STARD3NL: variants seen among roughly 807,000 people sequenced by gnomAD.
The protein encoded by STARD3NL is STARD3 N-terminal-like protein.
In STARD3NL, 17 loss-of-function variants were observed where a neutral mutation model predicts 30.9. The observed-to-expected ratio is 0.55, with a 90% confidence interval of 0.38 to 0.82. The LOEUF (loss-of-function observed/expected upper bound fraction) is 0.82. Ranked by LOEUF, STARD3NL falls within the 40% of genes least tolerant of loss-of-function variation. The probability of loss-of-function intolerance (pLI) is 0.00; values close to 1 mark genes in which losing one functional copy is unlikely to be tolerated. For synonymous variants in STARD3NL, 112 were observed against 100.5 expected (o/e 1.11, Z -0.69); for missense variants, 234 against 277.6 (o/e 0.84, Z 1.12).
chr7:38,201,525 C>A (rs996931747), intron 1 of STARD3NL, among the ~76,000 whole-genome samples: 1 of 151,794 alleles, frequency 6.6e-6, no homozygotes, highest in Non-Finnish European at 1.5e-5. Flanking sequence ...ATTTTGAATT[C>A]GTTCAATTTT....
At chr7:38,206,954 G>A (rs1785520697) in intron 1 of STARD3NL, among the ~76,000 whole-genome samples, 1 of 151,816 alleles carries the variant, frequency 6.6e-6, no homozygotes, top group South Asian at 2.1e-4. Context: ...TTTCTTTTTT[G>A]TACAGACAGG....
chr7:38,194,608 T>C (rs1784827166), intron 1 of STARD3NL, among the ~76,000 whole-genome samples: 1 of 152,190 alleles, frequency 6.6e-6, no homozygotes, highest in African/African-American at 2.4e-5. Context: ...GTTTTTACTG[T>C]CATTTTTTTC....
chr7:38,197,099 C>A (rs1434604981), intron 1 of STARD3NL, among the ~76,000 whole-genome samples: 1 of 151,332 alleles, frequency 6.6e-6, no homozygotes, highest in Non-Finnish European at 1.5e-5. Flanking sequence ...CAGTCCTTTC[C>A]CTGTGAATTT....
At chr7:38,198,887 G>C (rs1052856251) in intron 1 of STARD3NL, among the ~76,000 whole-genome samples, 7 of 152,220 alleles carry the variant, frequency 4.6e-5, no homozygotes, top group African/African-American at 1.7e-4. Context: ...GTGCAGCCTA[G>C]ATCAGGTGAA....
intron 2 of STARD3NL, among the ~76,000 whole-genome samples, chr7:38,213,585 T>C (rs562819285): frequency 6.6e-6 from 1 of 150,924 alleles, no homozygotes; most frequent in Non-Finnish European, 1.5e-5. Context: ...CTCCCTCTGA[T>C]CAGGCTAATC....
At position 38,219,551 on chromosome 7, in the gene STARD3NL, T is replaced by C. The variant is rs1325585155; in HGVS notation, c.554-14T>C. ...GTGACCTCATTCCCAACATCTGAAT[T>C]TCTTCTCTTCCAGGACTCCTGATAG... On this transcript the variant is annotated splice_polypyrimidine_tract_variant and intron_variant, in intron 6 of 8. Transcript: ENST00000009041. 3 of 1,573,696 alleles carry C rather than the reference T, an allele frequency of 1.9e-6. No individual in the cohort carries two copies. The African/African-American group carries it at 4.0e-5, about 21-fold the overall frequency.
chr7:38,201,495 A>G (rs1311975720), intron 1 of STARD3NL, among the ~76,000 whole-genome samples: 1 of 152,168 alleles, frequency 6.6e-6, no homozygotes, highest in Admixed American at 6.5e-5. Flanking sequence ...TCTTCCTCCT[A>G]AAATCAGTCC....
intron 1 of STARD3NL, among the ~76,000 whole-genome samples, chr7:38,187,289 T>C (rs956633856): frequency 1.3e-5 from 2 of 152,266 alleles, no homozygotes; most frequent in African/African-American, 4.8e-5. Flanking sequence ...GAACAACTTA[T>C]ATACATTGTC....
intron 2 of STARD3NL, among the ~76,000 whole-genome samples, chr7:38,208,902 A>G (rs1159792548): frequency 6.6e-6 from 1 of 152,168 alleles, no homozygotes; most frequent in African/African-American, 2.4e-5. Flanking sequence ...TCAATTCTAA[A>G]CTCTATTCTC....
intron 1 of STARD3NL, among the ~76,000 whole-genome samples, chr7:38,188,400 G>A (rs980217664): frequency 2.0e-5 from 3 of 152,030 alleles, no homozygotes; most frequent in Admixed American, 6.5e-5. Flanking sequence ...TCTCCTAGTC[G>A]TTGCTCAGAT....
At position 38,203,876 on chromosome 7, in the gene STARD3NL, CAAA is replaced by C. The variant is rs1015063284; in HGVS notation, c.-58-3570_-58-3568del. Among the ~76,000 whole-genome samples the C allele has an allele frequency of 1.0e-3, 153 of 152,198 alleles. 1 individual carries two copies. Among genetic ancestry groups the C allele is most frequent in the African/African-American group, 3.5e-3 (144 of 41,516 alleles). ...TTAAACCAAGAAAGATCAAAAGAGA[CAAA>C]GAAGGCCATTACATAATGGTAAAGG... On this transcript the variant is annotated intron_variant, in intron 1 of 8. Coordinates refer to ENST00000009041, the MANE Select transcript of STARD3NL (RefSeq NM_032016.4).
chr7:38,197,763 A>G (rs886572543), intron 1 of STARD3NL, among the ~76,000 whole-genome samples: 6 of 151,946 alleles, frequency 3.9e-5, no homozygotes, highest in African/African-American at 1.4e-4. Context: ...TCCTTCCCAC[A>G]TCTCTCTTCT....
chr7:38,198,856 C>T (rs987455802), intron 1 of STARD3NL, among the ~76,000 whole-genome samples: 10 of 152,152 alleles, frequency 6.6e-5, no homozygotes, highest in African/African-American at 2.2e-4. Flanking sequence ...TGTTTTGACC[C>T]GGCTCTGTAC....
chr7:38,229,299 G>A (rs1786964916), intron 8 of STARD3NL, among the ~76,000 whole-genome samples: 2 of 152,202 alleles, frequency 1.3e-5, no homozygotes, highest in Admixed American at 1.3e-4. Flanking sequence ...ACAGCTAGAC[G>A]AGGCAGCGCT....
At chr7:38,192,584 A>C (rs1379193417) in intron 1 of STARD3NL, among the ~76,000 whole-genome samples, 1 of 152,144 alleles carries the variant, frequency 6.6e-6, no homozygotes, top group Non-Finnish European at 1.5e-5. Flanking sequence ...ACCATGATGA[A>C]GTGGCTATGG....
intron 6 of STARD3NL, 109 bp downstream of exon 6, chr7:38,217,414 G>T (rs534909493): frequency 2.1e-6 from 2 of 968,066 alleles, no homozygotes; most frequent in East Asian, 4.8e-5. Context: ...GAGTTAGGCA[G>T]TGGTGGGGTC....
chr7:38,228,975 CAG>C, intron 8 of STARD3NL, 104 bp downstream of exon 8: 3 of 720,980 alleles, frequency 4.2e-6, no homozygotes, highest in Non-Finnish European at 6.5e-6. Context: ...TAAGGATAGC[CAG>C]AGTTATCTTA....
rs551083102 is a variant in STARD3NL at position 38,202,561 on chromosome 7, T to G, written c.-58-4886T>G. On this transcript the variant is annotated intron_variant, in intron 1 of 8. Transcript: ENST00000009041. ...CTGATATATTTCTTTTTTTTTAACA[T>G]TTTTATTTTTTTATATTTTATTTTT... Among the ~76,000 whole-genome samples, 4 of 152,188 alleles carry G rather than the reference T, an allele frequency of 2.6e-5. No homozygotes were observed. The South Asian group carries it at 8.3e-4, about 32-fold the overall frequency.
At chr7:38,212,488 ATCTC>A (rs545799653) in intron 2 of STARD3NL, among the ~76,000 whole-genome samples, 63 of 152,292 alleles carry the variant, frequency 4.1e-4, no homozygotes, top group African/African-American at 1.5e-3. Flanking sequence ...CTTATTTGCT[ATCTC>A]TCTCACCTTG....
Sources: allele counts gnomAD v4.1 joint callset (sites outside exome capture counted in the v4.1 genomes callset), GRCh38; gene constraint gnomAD v4.1.1; transcripts MANE v1.5; gene names NCBI Gene and HGNC (gene_info 2026-07-23, HGNC 2026-07-21).